Variants in CSMD3 observed in about 807,000 individuals in gnomAD.
CSMD3 encodes CUB and sushi domain-containing protein 3.
A neutral mutation model predicts 435.2 loss-of-function variants in CSMD3; 177 were observed. That is an observed-to-expected ratio of 0.41 (90% CI 0.36 to 0.46). CSMD3 has a LOEUF of 0.46. Among genes scored for constraint, CSMD3 ranks in the 20% least tolerant of loss-of-function variants. CSMD3 has a pLI of 0.34. For synonymous variants in CSMD3, 1,656 were observed against 1,520.5 expected (o/e 1.09, Z -2.07); for missense variants, 4,265 against 4,504.6 (o/e 0.95, Z 1.52).
intron 23 of CSMD3, among the ~76,000 whole-genome samples, chr8:112,577,685 T>C (rs1830048577): frequency 6.6e-6 from 1 of 152,048 alleles, no homozygotes; most frequent in Non-Finnish European, 1.5e-5. Context: ...AAACTTAACA[T>C]TGCCATGTTT....
At chr8:112,733,610 T>A (rs1411567072) in intron 13 of CSMD3, among the ~76,000 whole-genome samples, 2 of 151,694 alleles carry the variant, frequency 1.3e-5, no homozygotes, top group African/African-American at 2.4e-5. Flanking sequence ...TAACTGATAT[T>A]GATGTAATAA....
intron 8 of CSMD3, among the ~76,000 whole-genome samples, chr8:112,952,362 TG>T (rs1287887127): frequency 6.6e-6 from 1 of 151,696 alleles, no homozygotes; most frequent in Non-Finnish European, 1.5e-5. Context: ...ATCATAGAAT[TG>T]ATCTTTTTTT....
chr8:112,890,226 G>A (rs1448325367), intron 10 of CSMD3, among the ~76,000 whole-genome samples: 2 of 151,580 alleles, frequency 1.3e-5, no homozygotes, highest in East Asian at 3.9e-4. Context: ...ATTTTACCAT[G>A]TGGTTAAATT....
intron 3 of CSMD3, among the ~76,000 whole-genome samples, chr8:113,198,293 T>C (rs2092681414): frequency 6.6e-6 from 1 of 151,388 alleles, no homozygotes; most frequent in Non-Finnish European, 1.5e-5. Flanking sequence ...TCACTGCACA[T>C]ATGCCATCAT....
chr8:113,078,358 T>C (rs528400639), intron 5 of CSMD3, among the ~76,000 whole-genome samples: 1 of 152,354 alleles, frequency 6.6e-6, no homozygotes, highest in African/African-American at 2.4e-5. Context: ...TGTTTTCTTA[T>C]GGCATACAAA....
At chr8:112,269,818 TC>T in intron 59 of CSMD3, among the ~76,000 whole-genome samples, 1 of 152,342 alleles carries the variant, frequency 6.6e-6, no homozygotes, top group Middle Eastern at 3.4e-3. Context: ...ATGCCAAATA[TC>T]TTTTTCTTCT....
intron 32 of CSMD3, among the ~76,000 whole-genome samples, chr8:112,419,480 T>C (rs961359046): frequency 6.6e-6 from 1 of 152,188 alleles, no homozygotes; most frequent in African/African-American, 2.4e-5. Flanking sequence ...TCCAGTAATT[T>C]GGTAGCTCCA....
intron 32 of CSMD3, among the ~76,000 whole-genome samples, chr8:112,451,036 C>G (rs1816203949): frequency 6.6e-6 from 1 of 151,650 alleles, no homozygotes. Flanking sequence ...AACATTGGTA[C>G]AAATATATGA....
At chr8:112,700,287 G>A (rs536673977) in intron 13 of CSMD3, among the ~76,000 whole-genome samples, 1 of 151,848 alleles carries the variant, frequency 6.6e-6, no homozygotes, top group Non-Finnish European at 1.5e-5. Flanking sequence ...GATCACCTGA[G>A]GTCAGAAGGT....
chr8:113,138,489 T>G (rs2091469495), intron 4 of CSMD3, among the ~76,000 whole-genome samples: 1 of 151,438 alleles, frequency 6.6e-6, no homozygotes, highest in Non-Finnish European at 1.5e-5. Flanking sequence ...TTAATTCCAA[T>G]GCTAAAGATA....
intron 61 of CSMD3, chr8:112,256,017 G>A (rs868061035): frequency 2.0e-5 from 3 of 152,364 alleles, no homozygotes; most frequent in Non-Finnish European, 4.4e-5. Context: ...CTAAATCTAC[G>A]CAAAACTATG....
At chr8:112,330,325 G>T (rs1823913402) in intron 45 of CSMD3, among the ~76,000 whole-genome samples, 1 of 151,596 alleles carries the variant, frequency 6.6e-6, no homozygotes, top group Non-Finnish European at 1.5e-5. Context: ...TAGAAAATGT[G>T]CCAATAACAG....
At chr8:113,358,969 A>T (rs1801205211) in intron 1 of CSMD3, among the ~76,000 whole-genome samples, 3 of 152,280 alleles carry the variant, frequency 2.0e-5, no homozygotes, top group South Asian at 4.1e-4. Flanking sequence ...TCGGTTAAAA[A>T]ATATATATAG....
chr8:112,413,382 T>C (rs952155345), intron 32 of CSMD3, among the ~76,000 whole-genome samples: 7 of 152,220 alleles, frequency 4.6e-5, no homozygotes, highest in African/African-American at 1.7e-4. Context: ...TCAATAAGCA[T>C]TTGTTTTCTA....
intron 1 of CSMD3, among the ~76,000 whole-genome samples, chr8:113,428,704 A>C (rs1586183937): frequency 1.3e-5 from 2 of 151,872 alleles, no homozygotes; most frequent in East Asian, 3.9e-4. Flanking sequence ...AAACATAAGA[A>C]TGTCTCGTAT....
At chr8:113,088,884 G>C (rs62521257) in intron 5 of CSMD3, among the ~76,000 whole-genome samples, 102,184 of 151,942 alleles carry the variant, frequency 0.67, 35,958 homozygotes, top group East Asian at 0.95. Flanking sequence ...AATAAATAAA[G>C]ATGTATACAA....
chr8:112,934,277 A>C (rs1159124112), intron 9 of CSMD3, among the ~76,000 whole-genome samples: 1 of 152,164 alleles, frequency 6.6e-6, no homozygotes, highest in African/African-American at 2.4e-5. Flanking sequence ...TCAAAATAAC[A>C]GTACCAGCAT....
chr8:112,463,674 T>C (rs1424250757), intron 32 of CSMD3, among the ~76,000 whole-genome samples: 4 of 152,316 alleles, frequency 2.6e-5, no homozygotes, highest in African/African-American at 4.8e-5. Flanking sequence ...CCTGGACTTA[T>C]CTGTGTACTT....
rs2131661313 is a variant in CSMD3 at position 112,656,214 on chromosome 8, A to G, written c.2944T>C (p.Tyr982His). Residue 982 changes from tyrosine (Y) to histidine (H), a missense_variant, in exon 18 of 71, where the codon TAC becomes CAC. This residue lies in a region of CSMD3 where 3,255 missense variants were observed against 3,380.2 expected (regional missense o/e 0.96). Coordinates refer to ENST00000297405, the MANE Select transcript of CSMD3 (RefSeq NM_198123.2). ...QFLFSSSNFIYLLFTTDNSRS... is the reference protein window; with the variant it reads ...QFLFSSSNFIHLLFTTDNSRS... ...CTGTTGTCTGTTGTAAATAGAAGGT[A>G]TATAAAATTACTGCTACTAAATAGA... The G allele has an allele frequency of 1.9e-6, 3 of 1,588,154 alleles. No homozygotes were observed. Among genetic ancestry groups the G allele is most frequent in the East Asian group, 4.5e-5 (2 of 44,648 alleles).
Sources: gnomAD v4.1 joint callset for allele counts (sites outside exome capture counted in the v4.1 genomes callset) on GRCh38, gnomAD v4.1.1 for gene constraint, gnomAD v4.1.1 regional missense constraint, MANE v1.5 for transcripts, NCBI Gene and HGNC (gene_info 2026-07-23, HGNC 2026-07-21) for gene names.